The following FMNL2 variants were observed in gnomAD, a reference collection of about 807,000 sequenced individuals.
FMNL2 encodes formin-like protein 2.
In FMNL2, 51 loss-of-function variants were observed where a neutral mutation model predicts 130.2. The ratio of observed to expected loss-of-function variants is 0.39; its 90% confidence interval spans 0.31 to 0.49. The LOEUF (loss-of-function observed/expected upper bound fraction) is 0.49, where lower values mean the gene tolerates loss of function less well. Among genes scored for constraint, FMNL2 ranks in the 20% least tolerant of loss-of-function variants. FMNL2 has a pLI of 0.85. For synonymous variants in FMNL2, 465 were observed against 467.1 expected, an observed-to-expected ratio of 1.00 and a Z score of 0.06; for missense variants, 977 against 1,316.2, an observed-to-expected ratio of 0.74 and a Z score of 3.99.
At position 152,351,106 on chromosome 2, in the gene FMNL2, G is replaced by C. The variant is rs376988654; in HGVS notation, c.117+15386G>C. Among the ~76,000 whole-genome samples, 10 of 152,252 alleles carry C rather than the reference G, an allele frequency of 6.6e-5. No homozygotes were observed. In the East Asian group the frequency reaches 1.2e-3, roughly 18 times the overall value. ...AAAAATAAAGTGAAAGTTGTGTATA[G>C]TTAAAATTATCCCAAAAATACCTGA... On this transcript the variant is annotated intron_variant, in intron 1 of 25. Coordinates refer to ENST00000288670, the MANE Select transcript of FMNL2 (RefSeq NM_052905.4).
intron 1 of FMNL2, among the ~76,000 whole-genome samples, chr2:152,364,464 T>C (rs1259281353): frequency 1.3e-5 from 2 of 152,170 alleles, no homozygotes; most frequent in Non-Finnish European, 2.9e-5. Context: ...TGTCATGATA[T>C]TAGCCAGAGA....
chr2:152,484,182 G>A (rs1690688276), intron 1 of FMNL2, among the ~76,000 whole-genome samples: 1 of 152,154 alleles, frequency 6.6e-6, no homozygotes, highest in Non-Finnish European at 1.5e-5. Flanking sequence ...TCACTGGTGT[G>A]CAATTCCAGA....
chr2:152,364,280 T>TTG (rs1579486145), intron 1 of FMNL2, among the ~76,000 whole-genome samples: 2 of 149,216 alleles, frequency 1.3e-5, no homozygotes, highest in East Asian at 3.9e-4. Flanking sequence ...TTTTTTTTTT[T>TTG]TTTTTTTTTT....
intron 1 of FMNL2, among the ~76,000 whole-genome samples, chr2:152,508,398 G>T (rs1304724177): frequency 6.6e-6 from 1 of 152,186 alleles, no homozygotes; most frequent in Non-Finnish European, 1.5e-5. Flanking sequence ...ATTTCCCTCT[G>T]GAAGAAGACA....
At chr2:152,381,952 T>C (rs1303436873) in intron 1 of FMNL2, among the ~76,000 whole-genome samples, 2 of 151,936 alleles carry the variant, frequency 1.3e-5, no homozygotes, top group Admixed American at 6.6e-5. Context: ...GCAGGCATCA[T>C]CACACCCAGC....
At chr2:152,633,482 G>C (rs1682324703) in intron 21 of FMNL2, among the ~76,000 whole-genome samples, 1 of 152,162 alleles carries the variant, frequency 6.6e-6, no homozygotes, top group South Asian at 2.1e-4. Flanking sequence ...GGAAATAAAT[G>C]AATGAACAAG....
chr2:152,526,405 C>T (rs1002883460), intron 2 of FMNL2, among the ~76,000 whole-genome samples: 5 of 152,150 alleles, frequency 3.3e-5, no homozygotes, highest in African/African-American at 1.2e-4. Flanking sequence ...CCTTTTTGCT[C>T]CTAGACTTCA....
intron 1 of FMNL2, among the ~76,000 whole-genome samples, chr2:152,375,827 T>G (rs1457158018): frequency 2.0e-5 from 3 of 147,438 alleles, no homozygotes; most frequent in Non-Finnish European, 4.5e-5. Context: ...ACATTTCAAG[T>G]ACTATAACAT....
chr2:152,525,149 AT>A, intron 2 of FMNL2, among the ~76,000 whole-genome samples: 1 of 152,268 alleles, frequency 6.6e-6, no homozygotes, highest in Non-Finnish European at 1.5e-5. Flanking sequence ...AAGCTTTTTC[AT>A]TTGTTGCCTG....
chr2:152,446,377 T>G (rs1191836407), intron 1 of FMNL2, among the ~76,000 whole-genome samples: 1 of 152,226 alleles, frequency 6.6e-6, no homozygotes, highest in Non-Finnish European at 1.5e-5. Flanking sequence ...TGAAATGACA[T>G]GCTGTCTGAG....
intron 1 of FMNL2, among the ~76,000 whole-genome samples, chr2:152,394,289 A>G (rs2105938454): frequency 6.6e-6 from 1 of 152,248 alleles, no homozygotes; most frequent in Non-Finnish European, 1.5e-5. Flanking sequence ...ATTCATGTGG[A>G]ATCTAGTTGT....
intron 2 of FMNL2, chr2:152,539,079 G>A (rs1694163589): frequency 6.6e-6 from 1 of 152,028 alleles, no homozygotes; most frequent in African/African-American, 2.4e-5. Context: ...TTATTTTCAG[G>A]ACCTCGTTGC....
intron 25 of FMNL2, 141 bp from the exon 26 acceptor site, chr2:152,647,655 C>T (rs972670580): frequency 1.3e-6 from 1 of 741,166 alleles, no homozygotes; most frequent in Non-Finnish European, 2.4e-6. Flanking sequence ...GTCTTTGATT[C>T]AATGCTCAGT....
intron 1 of FMNL2, among the ~76,000 whole-genome samples, chr2:152,356,967 TATTA>T (rs1445400829): frequency 2.6e-4 from 39 of 149,076 alleles, no homozygotes; most frequent in South Asian, 8.4e-4. Flanking sequence ...TAACGATAAA[TATTA>T]AATAAGTTTA....
chr2:152,490,118 A>G (rs964615246), intron 1 of FMNL2, among the ~76,000 whole-genome samples: 6 of 152,084 alleles, frequency 3.9e-5, no homozygotes, highest in African/African-American at 1.4e-4. Flanking sequence ...TGCCTGGGGG[A>G]TATTTAAAAC....
intron 1 of FMNL2, among the ~76,000 whole-genome samples, chr2:152,424,479 C>T (rs1396278361): frequency 1.3e-5 from 2 of 151,868 alleles, no homozygotes; most frequent in African/African-American, 4.8e-5. Flanking sequence ...CAACCTCCAC[C>T]TCCTGGGTTC....
chr2:152,474,867 A>G (rs1690061820), intron 1 of FMNL2, among the ~76,000 whole-genome samples: 1 of 152,208 alleles, frequency 6.6e-6, no homozygotes, highest in African/African-American at 2.4e-5. Context: ...GAACAGAGTC[A>G]CAGAGCCGTT....
Position 152,649,624 on chromosome 2 carries a change from A to G in FMNL2, c.*1719A>G, listed in dbSNP as rs139934612. On this transcript the variant is annotated 3_prime_UTR_variant, in exon 26 of 26. Transcript: ENST00000288670. The stretch of plus-strand genomic sequence containing the variant: ...TCCACTACAAAGCAGCTGTTTTCCA[A>G]AGTTCAATGCTGACATATATGTATA... The G allele has an allele frequency of 6.5e-6, 1 of 152,770 alleles. No homozygotes were observed. The highest frequency in any genetic ancestry group is 1.9e-4 in the East Asian group (1 of 5,190). The allele number at this position is 152,770 out of a possible 1,614,324, so 9.5% of individuals were successfully genotyped here.
At chr2:152,619,443 A>T in intron 14 of FMNL2, 66 bp from the exon 15 acceptor site, 2 of 1,545,796 alleles carry the variant, frequency 1.3e-6, no homozygotes, top group Non-Finnish European at 1.7e-6. Flanking sequence ...TTATATGCAC[A>T]TGGCTTATTG....
Sources: gnomAD v4.1 joint callset for allele counts (sites outside exome capture counted in the v4.1 genomes callset) on GRCh38, gnomAD v4.1.1 for gene constraint, MANE v1.5 for transcripts, NCBI Gene and HGNC (gene_info 2026-07-23, HGNC 2026-07-21) for gene names.